Variants in CDH12 observed in about 807,000 individuals in gnomAD.
CDH12 encodes cadherin 12, also known as cadherin-12.
In CDH12, 41 loss-of-function variants were observed where a neutral mutation model predicts 74.1. The ratio of observed to expected loss-of-function variants is 0.55; its 90% CI spans 0.43 to 0.72. The LOEUF is 0.72. Among genes scored for constraint, CDH12 ranks in the 30% least tolerant of loss-of-function variants. CDH12 has a pLI of 0.00. For missense variants in CDH12, 945 were observed against 977.2 expected (o/e 0.97, Z 0.44); for synonymous variants, 399 against 355.0 (o/e 1.12, Z -1.39).
chr5:22,309,922 G>C (rs369377408), intron 3 of CDH12, among the ~76,000 whole-genome samples: 1 of 135,822 alleles, frequency 7.4e-6, no homozygotes, highest in Non-Finnish European at 1.5e-5. Flanking sequence ...AAATTCTGCC[G>C]TTAATAAATA....
intron 1 of CDH12, among the ~76,000 whole-genome samples, chr5:22,642,379 T>A (rs1739197931): frequency 6.6e-6 from 1 of 152,212 alleles, no homozygotes; most frequent in Admixed American, 6.5e-5. Flanking sequence ...TAAGTCTTTC[T>A]GCTTCATTTG....
intron 13 of CDH12, among the ~76,000 whole-genome samples, chr5:21,759,050 A>G (rs1367381337): frequency 1.3e-5 from 2 of 152,096 alleles, no homozygotes; most frequent in African/African-American, 4.8e-5. Context: ...GGGATCATAG[A>G]AGCCCAAACC....
chr5:21,932,393 C>T (rs754904155), intron 6 of CDH12, among the ~76,000 whole-genome samples: 2 of 152,138 alleles, frequency 1.3e-5, no homozygotes, highest in Non-Finnish European at 2.9e-5. Flanking sequence ...AAAACACAAA[C>T]ATAAATCATT....
intron 6 of CDH12, among the ~76,000 whole-genome samples, chr5:21,907,204 G>A (rs1753679993): frequency 6.6e-6 from 1 of 152,146 alleles, no homozygotes; most frequent in African/African-American, 2.4e-5. Flanking sequence ...CATCGTAACG[G>A]GAAAGAGGGG....
intron 3 of CDH12, among the ~76,000 whole-genome samples, chr5:22,398,919 G>A (rs1403619418): frequency 6.6e-6 from 1 of 152,040 alleles, no homozygotes; most frequent in Non-Finnish European, 1.5e-5. Context: ...CCCTCTATGT[G>A]CAGGGTACGT....
intron 3 of CDH12, among the ~76,000 whole-genome samples, chr5:22,215,730 T>C (rs557902883): frequency 4.6e-5 from 7 of 152,260 alleles, no homozygotes; most frequent in African/African-American, 1.4e-4. Flanking sequence ...AGCTCAAATG[T>C]ACTAGGGAGC....
intron 5 of CDH12, among the ~76,000 whole-genome samples, chr5:21,991,571 T>C (rs1757757468): frequency 6.8e-6 from 1 of 147,422 alleles, no homozygotes; most frequent in Non-Finnish European, 1.5e-5. Flanking sequence ...TATATATATG[T>C]ATATAAATCT....
At chr5:22,831,824 G>A (rs1561063106) in intron 1 of CDH12, among the ~76,000 whole-genome samples, 1 of 152,032 alleles carries the variant, frequency 6.6e-6, no homozygotes, top group Non-Finnish European at 1.5e-5. Flanking sequence ...TTGAAGCTGG[G>A]AGGTGGAGGT....
At chr5:22,689,717 AT>A (rs1301389701) in intron 1 of CDH12, among the ~76,000 whole-genome samples, 1 of 152,122 alleles carries the variant, frequency 6.6e-6, no homozygotes, top group East Asian at 1.9e-4. Flanking sequence ...ATTCATTTTG[AT>A]TGAAATAATA....
chr5:22,740,881 T>C (rs1744994703), intron 1 of CDH12, among the ~76,000 whole-genome samples: 1 of 152,108 alleles, frequency 6.6e-6, no homozygotes. Flanking sequence ...GCAATATGTC[T>C]TGAAAAGTAA....
intron 2 of CDH12, among the ~76,000 whole-genome samples, chr5:22,428,622 G>A (rs1320668355): frequency 6.6e-6 from 1 of 152,134 alleles, no homozygotes; most frequent in East Asian, 1.9e-4. Flanking sequence ...TTTCCTGTTA[G>A]TTTGATTTTT....
At chr5:21,949,049 C>T (rs369220157) in intron 6 of CDH12, among the ~76,000 whole-genome samples, 27 of 152,128 alleles carry the variant, frequency 1.8e-4, no homozygotes, top group Non-Finnish European at 2.8e-4. Context: ...TTATGAATTA[C>T]CCAATCTCAG....
intron 4 of CDH12, among the ~76,000 whole-genome samples, chr5:22,117,445 TATA>T (rs1160507805): frequency 1.2e-4 from 11 of 92,894 alleles, no homozygotes; most frequent in African/African-American, 5.2e-4. Context: ...ATTATATATA[TATA>T]ATATATATAT....
intron 2 of CDH12, among the ~76,000 whole-genome samples, chr5:22,492,197 T>C (rs1310242036): frequency 6.6e-6 from 1 of 151,960 alleles, no homozygotes; most frequent in Non-Finnish European, 1.5e-5. Context: ...ACCTCCAGAA[T>C]TCAGTATATA....
intron 8 of CDH12, among the ~76,000 whole-genome samples, chr5:21,834,510 C>G (rs1167973201): frequency 1.3e-5 from 2 of 151,748 alleles, no homozygotes; most frequent in Admixed American, 6.6e-5. Flanking sequence ...AATTTGTTAT[C>G]AAAGAATGCT....
intron 5 of CDH12, among the ~76,000 whole-genome samples, chr5:22,012,627 G>GT (rs1162256198): frequency 6.6e-6 from 1 of 151,910 alleles, no homozygotes; most frequent in Non-Finnish European, 1.5e-5. Context: ...TGTGAAAGAT[G>GT]TTTTTTACCT....
At chr5:22,144,695 T>A (rs534287426) in intron 4 of CDH12, among the ~76,000 whole-genome samples, 4 of 152,222 alleles carry the variant, frequency 2.6e-5, no homozygotes, top group African/African-American at 9.6e-5. Context: ...CTTACCATCT[T>A]GTTATAAACC....
rs535732533 is a variant in CDH12, at chr5:22,249,069, A to AT, written c.-332-36427dup. 2.4e-3 allele frequency among the ~76,000 whole-genome samples: 367 copies of AT among 152,244 alleles called. 3 individuals carry two copies. The highest frequency in any genetic ancestry group is 8.7e-3 in the African/African-American group (360 of 41,536). ...ATGATAAATCTATATGCTCTTTGCA[A>AT]TTTTTCTGTGAATACCCCCCAAAAT... On this transcript the variant is annotated intron_variant, in intron 3 of 14. Transcript: ENST00000382254.
At chr5:22,282,226 T>C (rs1736920488) in intron 3 of CDH12, among the ~76,000 whole-genome samples, 1 of 152,114 alleles carries the variant, frequency 6.6e-6, no homozygotes. Context: ...TTCTTAAACC[T>C]TATAAAAATA....
Sources: gnomAD v4.1 joint callset for allele counts (sites outside exome capture counted in the v4.1 genomes callset) on GRCh38, gnomAD v4.1.1 for gene constraint, MANE v1.5 for transcripts, NCBI Gene and HGNC (gene_info 2026-07-23, HGNC 2026-07-21) for gene names.